SLC34A1: variants seen among roughly 807,000 people sequenced by gnomAD.
The protein encoded by SLC34A1 is solute carrier family 34 member 1.
A neutral mutation model predicts 51.4 loss-of-function variants in SLC34A1; 57 were observed. The observed-to-expected ratio is 1.11, with a 90% CI of 0.90 to 1.38. The LOEUF (loss-of-function observed/expected upper bound fraction) is 1.38. Among genes scored for constraint, SLC34A1 ranks in the 40% most tolerant of loss-of-function variants. The pLI, the probability that SLC34A1 is intolerant of heterozygous loss-of-function variation, is 0.00. For missense variants in SLC34A1, 796 were observed against 835.6 expected (o/e 0.95, Z 0.58); for synonymous variants, 368 against 358.0 (o/e 1.03, Z -0.32).
Position 177,385,715 on chromosome 5 carries a change from C to G in SLC34A1, c.-27C>G. 6.4e-7 allele frequency: 1 copy of G among 1,554,896 alleles called. No homozygotes were observed. Among genetic ancestry groups the G allele is most frequent in the Non-Finnish European group, 8.8e-7 (1 of 1,130,130 alleles). ...TTCAGCGTTGCTGAGACCCACTGAC[C>G]TGCAGACCTCATAGTGGGTGCCCAG... On this transcript the variant is annotated 5_prime_UTR_variant, in exon 2 of 13. Transcript: ENST00000324417.
intron 5 of SLC34A1, among the ~76,000 whole-genome samples, chr5:177,387,183 A>G (rs1762609984): frequency 6.6e-6 from 1 of 151,726 alleles, no homozygotes; most frequent in South Asian, 2.1e-4. Context: ...ACCCTGGCTA[A>G]CACGGTGAAA....
At position 177,393,696 on chromosome 5, in the gene SLC34A1, T is replaced by A; in HGVS notation, c.939T>A (p.Ala313=). The A allele has an allele frequency of 6.2e-7, 1 of 1,614,088 alleles. No individual in the cohort carries two copies. Among genetic ancestry groups the A allele is most frequent in the Non-Finnish European group, 8.5e-7 (1 of 1,180,010 alleles). ...QIWCHPDSLQ[A]PTSMSRAEAN... is the part of the protein sequence containing the mutation. ...AAGTCACCCTCCTCCTGATCTAGGC[T>A]CCCACCTCCATGTCCAGAGCAGAGG... Residue 313 remains alanine, a splice_region_variant and synonymous_variant, in exon 9 of 13, where the codon GCT becomes GCA. Transcript: ENST00000324417.
Position 177,398,350 on chromosome 5 carries a change from G to T in SLC34A1, c.*64G>T, listed in dbSNP as rs1763040977. The T allele has an allele frequency of 5.1e-6, 8 of 1,578,008 alleles. No homozygotes were observed. The highest frequency in any genetic ancestry group is 6.9e-6 in the Non-Finnish European group (8 of 1,162,416). On this transcript the variant is annotated 3_prime_UTR_variant, in exon 13 of 13. Transcript: ENST00000324417. This position sits in a 1 kb window ranked among gnomAD's most constrained non-coding sequence, Gnocchi z 4.7. Reference sequence around the variant, plus strand: ...TGGGGTGGAAAGGCAGGGGAGGGAGGGTGTGTGTAGGTATGTGCATGTGCC... The same window carrying T: ...TGGGGTGGAAAGGCAGGGGAGGGAGTGTGTGTGTAGGTATGTGCATGTGCC...
rs75240921 is a variant in SLC34A1, at chr5:177,387,214, C to CA, written c.533-536dup. On this transcript the variant is annotated intron_variant, in intron 5 of 12. Transcript: ENST00000324417. ...TGAAACCCTGTCTCTACTAAAAATA[C>CA]AAAAAAAAAAAACAACAAAAACCAA... Among the ~76,000 whole-genome samples the CA allele has an allele frequency of 6.6e-3, 899 of 136,098 alleles. 5 individuals are homozygous for CA. Among genetic ancestry groups the CA allele is most frequent in the African/African-American group, 0.015 (572 of 38,112 alleles). 89.3% of individuals were successfully genotyped at this position (136,098 alleles called of 152,430 possible).
intron 5 of SLC34A1, 69 bp from the exon 6 acceptor site, chr5:177,387,693 G>T: frequency 7.6e-7 from 1 of 1,313,692 alleles, no homozygotes. Context: ...TGGGGGGCCT[G>T]ACAGGAGTTG....
intron 8 of SLC34A1, chr5:177,389,842 C>A: frequency 6.7e-7 from 1 of 1,485,628 alleles, no homozygotes; most frequent in Non-Finnish European, 8.9e-7. Context: ...TTGGGCCTTT[C>A]TCTACGGCTG....
intron 8 of SLC34A1, among the ~76,000 whole-genome samples, chr5:177,391,337 C>T (rs975036465): frequency 1.2e-4 from 19 of 152,204 alleles, no homozygotes; most frequent in African/African-American, 4.6e-4. Context: ...CCACACAGTC[C>T]CAGGCAAGAA....
In SLC34A1 at chr5:177,397,890, G is replaced by A. The variant is rs755905929; in HGVS notation, c.1524G>A (p.Thr508=). The part of the protein sequence containing the change: ...IRMAKALGKR[T]AKYRWFAVLY... ...TGGCCAAGGCGCTGGGGAAACGCAC[G>A]GCCAAGTACCGCTGGTTTGCCGTCC... Residue 508 remains threonine (T), a synonymous_variant, in exon 13 of 13, where the codon ACG becomes ACA. Transcript: ENST00000324417. 4.3e-6 allele frequency: 7 copies of A among 1,613,954 alleles called. No individual in the cohort carries two copies. In the Admixed American group the frequency reaches 5.0e-5, roughly 12 times the overall value.
At position 177,388,480 on chromosome 5, in the gene SLC34A1, G is replaced by A. The variant is rs1407557010; in HGVS notation, c.936+108G>A. On this transcript the variant is annotated intron_variant, in intron 8 of 12. Transcript: ENST00000324417. The surrounding 1 kb of genome is among the most constrained non-coding windows in gnomAD (Gnocchi z 4.3). ...GACCTTGAAGATCATTTAGCCAGGA[G>A]AGGGCAAATATGTGGCCCTTCTACT... 7 of 953,204 alleles carry A rather than the reference G, an allele frequency of 7.3e-6. No homozygotes were observed. The highest frequency in any genetic ancestry group is 1.0e-5 in the Non-Finnish European group (6 of 602,490). The allele number at this position is 953,204 out of a possible 1,614,324, so 59.0% of individuals were successfully genotyped here.
chr5:177,391,682 C>T (rs1442392019), intron 8 of SLC34A1, among the ~76,000 whole-genome samples: 47 of 152,246 alleles, frequency 3.1e-4, no homozygotes, highest in Non-Finnish European at 1.5e-5. Flanking sequence ...CACAGCCTCC[C>T]AACCATGTGA....
rs769929676 is a variant in SLC34A1 at position 177,388,174 on chromosome 5, GA to G, written c.827del (p.Lys276SerfsTer10). ...LLKIITEPFT[K>X]LIIQLDESVI... ...TCAAGATCATCACAGAGCCCTTCACGAAGCTCATCATCCAGGTGACAGCAGG... is the reference window on the plus strand; with the variant it reads ...TCAAGATCATCACAGAGCCCTTCACGAGCTCATCATCCAGGTGACAGCAGG... On this transcript the variant is annotated frameshift_variant, in exon 7 of 13. Transcript: ENST00000324417. LOFTEE classifies it high-confidence loss of function. The surrounding 1 kb of genome is among the most constrained non-coding windows in gnomAD (Gnocchi z 4.3). 1.2e-6 allele frequency: 2 copies of G among 1,614,106 alleles called. No homozygotes were observed. The highest frequency in any genetic ancestry group is 2.7e-5 in the African/African-American group (2 of 75,018).
intron 5 of SLC34A1, 61 bp from the exon 6 acceptor site, chr5:177,387,701 T>C: frequency 7.3e-7 from 1 of 1,365,408 alleles, no homozygotes. Flanking sequence ...CTGACAGGAG[T>C]TGTGGTGGTG....
chr5:177,397,158 A>T, intron 12 of SLC34A1, 84 bp downstream of exon 12: 1 of 1,542,078 alleles, frequency 6.5e-7, no homozygotes, highest in Non-Finnish European at 8.8e-7. Context: ...ACAACATGGA[A>T]CAAATATTTT....
At chr5:177,394,237 C>G in intron 10 of SLC34A1, 42 bp downstream of exon 10, 1 of 1,600,306 alleles carries the variant, frequency 6.2e-7, no homozygotes, top group Non-Finnish European at 8.6e-7. Flanking sequence ...ACAGGATGGG[C>G]CTTTCCAGAT....
rs147095485 is a variant in SLC34A1 at position 177,386,449 on chromosome 5, G to C, written c.415G>C (p.Asp139His). 1 of 1,614,182 alleles carries C rather than the reference G, an allele frequency of 6.2e-7. No individual in the cohort carries two copies. Among genetic ancestry groups the C allele is most frequent in the East Asian group, 2.2e-5 (1 of 44,874 alleles). The change falls in exon 5 of 13, where the codon GAT (aspartate) becomes CAT (histidine). Residue 139 changes from aspartate to histidine, a missense_variant. Asp to His is a moderately conservative substitution (Grantham distance 81). Transcript: ENST00000324417. This position sits in a 1 kb window ranked among gnomAD's most constrained non-coding sequence, Gnocchi z 4.8. Reference sequence around the variant, plus strand: ...GAAGGTGGCTGGTGACATCTTCAAGGATAACGCCATCCTGTCCAACCCGGT... The same window carrying C: ...GAAGGTGGCTGGTGACATCTTCAAGCATAACGCCATCCTGTCCAACCCGGT... Reference protein sequence around the residue: ...GGKVAGDIFKDNAILSNPVAG... With the variant: ...GGKVAGDIFKHNAILSNPVAG...
In SLC34A1 at chr5:177,396,761, A is replaced by C; in HGVS notation, c.1203A>C (p.Thr401=). The change falls in exon 11 of 13, where the codon ACA becomes ACC. Residue 401 remains threonine, a synonymous_variant. Transcript: ENST00000324417. This position sits in a 1 kb window ranked among gnomAD's most constrained non-coding sequence, Gnocchi z 4.0. ...TCCCTGCCCCCTTCACCTGGGTCAC[A>C]GGCTACTTTGCCATGGTGGTGGGCG... ...TDFPAPFTWV[T]GYFAMVVGAS... The C allele has an allele frequency of 6.2e-7, 1 of 1,614,204 alleles. No individual in the cohort carries two copies. Among genetic ancestry groups the C allele is most frequent in the East Asian group, 2.2e-5 (1 of 44,882 alleles).
chr5:177,385,559 T>C, intron 1 of SLC34A1, 136 bp from the exon 2 acceptor site: 1 of 657,506 alleles, frequency 1.5e-6, no homozygotes, highest in Admixed American at 2.1e-5. Context: ...CGTGTGAGTC[T>C]CGGAGGGGTG....
chr5:177,389,338 C>T (rs532465426), intron 8 of SLC34A1, among the ~76,000 whole-genome samples: 1 of 152,086 alleles, frequency 6.6e-6, no homozygotes, highest in South Asian at 2.1e-4. Flanking sequence ...CAGCACAGCA[C>T]AGCACAAGCC....
rs202211232 is a variant in SLC34A1 at position 177,386,483 on chromosome 5, T to A, written c.449T>A (p.Leu150Gln). Residue 150 changes from leucine to glutamine, a missense_variant, in exon 5 of 13, where the codon CTG becomes CAG. Physicochemically the swap from Leu to Gln is moderately radical, Grantham distance 113. Coordinates refer to ENST00000324417, the MANE Select transcript of SLC34A1 (RefSeq NM_003052.5). The surrounding 1 kb of genome is among the most constrained non-coding windows in gnomAD (Gnocchi z 4.8). ...NAILSNPVAGLVVGILVTVLV... is the reference protein window; with the variant it reads ...NAILSNPVAGQVVGILVTVLV... ...ATCCTGTCCAACCCGGTGGCCGGGCTGGTGGTGGGGATCCTGGTGACCGTG... is the reference window on the plus strand; with the variant it reads ...ATCCTGTCCAACCCGGTGGCCGGGCAGGTGGTGGGGATCCTGGTGACCGTG... 2 of 1,614,156 alleles carry A rather than the reference T, an allele frequency of 1.2e-6. No individual in the cohort carries two copies. Among genetic ancestry groups the A allele is most frequent in the African/African-American group, 2.7e-5 (2 of 75,056 alleles).
Sources: gnomAD v4.1 joint callset for allele counts (sites outside exome capture counted in the v4.1 genomes callset) on GRCh38, gnomAD v4.1.1 for gene constraint, Gnocchi (gnomAD v3.1) non-coding constraint, MANE v1.5 for transcripts, NCBI Gene and HGNC (gene_info 2026-07-23, HGNC 2026-07-21) for gene names.